The following KIF13B variants were observed in gnomAD, a reference collection of about 807,000 sequenced individuals.
KIF13B encodes the protein kinesin-like protein KIF13B.
A neutral mutation model predicts 222.0 loss-of-function variants in KIF13B; 127 were observed. That is an observed-to-expected ratio of 0.57 (90% confidence interval 0.50 to 0.66). The LOEUF (loss-of-function observed/expected upper bound fraction) is 0.66. Among genes scored for constraint, KIF13B ranks in the 30% least tolerant of loss-of-function variants. KIF13B has a pLI of 0.00. For missense variants in KIF13B, 2,173 were observed against 2,379.0 expected (o/e 0.91, Z 1.80); for synonymous variants, 976 against 919.0 (o/e 1.06, Z -1.12).
chr8:29,178,014 T>C (rs1196717721), intron 8 of KIF13B, among the ~76,000 whole-genome samples: 1 of 152,206 alleles, frequency 6.6e-6, no homozygotes, highest in South Asian at 2.1e-4. Context: ...TGTGCTGCTA[T>C]AACACACTGT....
At chr8:29,208,727 G>A (rs898307945) in intron 2 of KIF13B, among the ~76,000 whole-genome samples, 1 of 152,154 alleles carries the variant, frequency 6.6e-6, no homozygotes, top group Non-Finnish European at 1.5e-5. Context: ...CTTGGTCAGT[G>A]ACTCTTAGCT....
intron 15 of KIF13B, among the ~76,000 whole-genome samples, chr8:29,149,488 C>T (rs1460079324): frequency 1.3e-5 from 2 of 152,198 alleles, no homozygotes; most frequent in East Asian, 3.8e-4. Context: ...AACACAACAT[C>T]AATTTTGTTT....
chr8:29,172,947 A>G (rs78422500), intron 10 of KIF13B, among the ~76,000 whole-genome samples: 9,088 of 144,798 alleles, frequency 0.063, 571 homozygotes, highest in African/African-American at 0.16. Context: ...GGGTTGTCTT[A>G]CTCTGTCACC....
intron 3 of KIF13B, among the ~76,000 whole-genome samples, chr8:29,192,184 G>T (rs554868442): frequency 3.9e-5 from 6 of 152,170 alleles, no homozygotes; most frequent in African/African-American, 1.4e-4. Flanking sequence ...GCTCAATGTT[G>T]GTGGCCAAAA....
chr8:29,226,045 A>T (rs1242369674), intron 2 of KIF13B, among the ~76,000 whole-genome samples: 3 of 152,304 alleles, frequency 2.0e-5, no homozygotes, highest in East Asian at 3.9e-4. Flanking sequence ...GACTGGAGTT[A>T]AATGGAGGTT....
intron 2 of KIF13B, among the ~76,000 whole-genome samples, chr8:29,237,679 T>C (rs1191879127): frequency 6.6e-6 from 1 of 152,182 alleles, no homozygotes; most frequent in African/African-American, 2.4e-5. Flanking sequence ...TGGCTACCAG[T>C]TTATTTTGGC....
chr8:29,144,301 C>T (rs950595855), intron 18 of KIF13B, among the ~76,000 whole-genome samples: 5 of 152,038 alleles, frequency 3.3e-5, no homozygotes, highest in Non-Finnish European at 7.4e-5. Flanking sequence ...CTTTCTGTCG[C>T]CCAGGCTGGG....
intron 24 of KIF13B, among the ~76,000 whole-genome samples, chr8:29,129,658 AT>A (rs1563725750): frequency 6.6e-6 from 1 of 150,442 alleles, no homozygotes; most frequent in Admixed American, 6.7e-5. Context: ...AAAAAAAAAA[AT>A]TCCAAATCCT....
chr8:29,147,172 G>A (rs763938026), intron 17 of KIF13B, among the ~76,000 whole-genome samples: 1 of 152,202 alleles, frequency 6.6e-6, no homozygotes, highest in Non-Finnish European at 1.5e-5. Flanking sequence ...AACTGAAAAT[G>A]GAGCAACACC....
chr8:29,148,134 G>C (rs186764543), intron 16 of KIF13B, among the ~76,000 whole-genome samples: 92 of 152,318 alleles, frequency 6.0e-4, no homozygotes, highest in African/African-American at 2.2e-3. Flanking sequence ...GAACCCAGGA[G>C]GCAGAGGTTG....
At chr8:29,113,660 A>G in intron 31 of KIF13B, 105 bp from the exon 32 acceptor site, 1 of 723,498 alleles carries the variant, frequency 1.4e-6, no homozygotes, top group Non-Finnish European at 2.4e-6. Context: ...CCAAAAGAAA[A>G]CAGAGCAGGT....
chr8:29,221,428 G>A (rs1450716310), intron 2 of KIF13B, among the ~76,000 whole-genome samples: 2 of 146,716 alleles, frequency 1.4e-5, no homozygotes, highest in Non-Finnish European at 3.0e-5. Flanking sequence ...TCGTGCCACT[G>A]CACTCCAGCT....
intron 1 of KIF13B, chr8:29,250,036 C>T (rs1446081531): frequency 7.8e-7 from 1 of 1,289,186 alleles, no homozygotes; most frequent in South Asian, 1.2e-5. Flanking sequence ...AAAACCACTG[C>T]TTAATGGAAT....
Position 29,068,418 on chromosome 8 carries a change from CATT to C in KIF13B, c.*2083_*2085del, listed in dbSNP as rs1398817580. 6.6e-6 allele frequency: 1 copy of C among 152,338 alleles called. No individual in the cohort carries two copies. Among genetic ancestry groups the C allele is most frequent in the Non-Finnish European group, 1.5e-5 (1 of 68,140 alleles). The allele number at this position is 152,338 out of a possible 1,614,324, so 9.4% of individuals were successfully genotyped here. A position where few individuals can be genotyped will look rare whatever the true frequency, so the allele number is the denominator to read the frequency against. ...TCCCTCTTTCCCAGCCACAAGCTGA[CATT>C]AGTCCGCACCGAGAAGCAAGAGTGA... On this transcript the variant is annotated 3_prime_UTR_variant, in exon 40 of 40. Coordinates refer to ENST00000524189, the MANE Select transcript of KIF13B (RefSeq NM_015254.4). The surrounding 1 kb of genome is among the most constrained non-coding windows in gnomAD (Gnocchi z 4.4).
intron 18 of KIF13B, among the ~76,000 whole-genome samples, chr8:29,145,696 G>A (rs757569537): frequency 2.6e-5 from 4 of 151,298 alleles, no homozygotes; most frequent in Admixed American, 6.6e-5. Flanking sequence ...GTTGACTACC[G>A]CAGGCTAAAC....
chr8:29,183,173 T>TG (rs1225003455), intron 6 of KIF13B, among the ~76,000 whole-genome samples: 2 of 146,610 alleles, frequency 1.4e-5, no homozygotes, highest in African/African-American at 5.3e-5. Context: ...AGTTTGTTTT[T>TG]TTTTTTTTTT....
rs548736295 is a variant in KIF13B at position 29,124,979 on chromosome 8, G to A, written c.3253-856C>T. Among the ~76,000 whole-genome samples the A allele has an allele frequency of 2.0e-5, 3 of 152,188 alleles. No homozygotes were observed. The South Asian group carries it at 6.2e-4, about 32-fold the overall frequency. ...GCAAGAGAATTACTTAAACCTGAGA[G>A]GCAGAGGTTGCAATGAGCCAAGATC... On this transcript the variant is annotated intron_variant, in intron 26 of 39. Coordinates refer to ENST00000524189, the MANE Select transcript of KIF13B (RefSeq NM_015254.4).
chr8:29,204,138 A>G (rs1396292350), intron 2 of KIF13B, among the ~76,000 whole-genome samples: 2 of 152,124 alleles, frequency 1.3e-5, no homozygotes, highest in African/African-American at 4.8e-5. Flanking sequence ...TTCTATTCGA[A>G]TCTTCCACCC....
Position 29,122,666 on chromosome 8 carries a change from TG to T in KIF13B, c.3480-21del, listed in dbSNP as rs748920246. On this transcript the variant is annotated intron_variant, in intron 28 of 39. Transcript: ENST00000524189. Reference sequence around the variant, plus strand: ...GGGGTCCTAAAACGGGAAGAACAAATGGCATCTGCCTCAGGTTACTTTCTCA... The same window carrying T: ...GGGGTCCTAAAACGGGAAGAACAAATGCATCTGCCTCAGGTTACTTTCTCA... The T allele has an allele frequency of 8.1e-6, 13 of 1,595,940 alleles. No homozygotes were observed. In the East Asian group the frequency reaches 2.9e-4, roughly 36 times the overall value.
Sources: allele counts gnomAD v4.1 joint callset (sites outside exome capture counted in the v4.1 genomes callset), GRCh38; gene constraint gnomAD v4.1.1; non-coding constraint Gnocchi (gnomAD v3.1); transcripts MANE v1.5; gene names NCBI Gene and HGNC (gene_info 2026-07-23, HGNC 2026-07-21).